Variants in PTPRA observed in about 807,000 individuals in gnomAD.
The protein encoded by PTPRA is protein tyrosine phosphatase receptor type A, also known as receptor-type tyrosine-protein phosphatase alpha.
A neutral mutation model predicts 104.8 loss-of-function variants in PTPRA; 25 were observed. That is an observed-to-expected ratio of 0.24 (90% CI 0.17 to 0.33). PTPRA has a LOEUF of 0.33. Ranked by LOEUF, PTPRA falls within the 10% of genes least tolerant of loss-of-function variation. The pLI, the probability that PTPRA is intolerant of heterozygous loss-of-function variation, is 1.00. For missense variants in PTPRA, 765 were observed against 1,015.3 expected (o/e 0.75, Z 3.35); for synonymous variants, 323 against 368.9 (o/e 0.88, Z 1.43).
chr20:2,882,680 G>A (rs1391302980), intron 1 of PTPRA, among the ~76,000 whole-genome samples: 1 of 152,122 alleles, frequency 6.6e-6, no homozygotes, highest in Non-Finnish European at 1.5e-5. Context: ...TTGTACTGGA[G>A]AAGACATATT....
chr20:2,886,519 GTT>G (rs891160381), intron 1 of PTPRA, among the ~76,000 whole-genome samples: 36 of 152,164 alleles, frequency 2.4e-4, no homozygotes, highest in Non-Finnish European at 3.8e-4. Flanking sequence ...TAAGGGAAGA[GTT>G]TTAGTGGATT....
chr20:2,940,677 C>G (rs1319293413), intron 2 of PTPRA, among the ~76,000 whole-genome samples: 1 of 151,922 alleles, frequency 6.6e-6, no homozygotes, highest in Non-Finnish European at 1.5e-5. Flanking sequence ...CCTCCTGTCT[C>G]AGAGAGAAAA....
intron 1 of PTPRA, among the ~76,000 whole-genome samples, chr20:2,912,477 A>G (rs1018937945): frequency 2.6e-5 from 4 of 151,780 alleles, no homozygotes; most frequent in African/African-American, 9.7e-5. Flanking sequence ...TACAAAAATT[A>G]GCTGGGCATG....
At chr20:2,940,697 G>C (rs2060879104) in intron 2 of PTPRA, among the ~76,000 whole-genome samples, 1 of 151,864 alleles carries the variant, frequency 6.6e-6, no homozygotes, top group Non-Finnish European at 1.5e-5. Context: ...AAGAGAGAGA[G>C]AAAAAAAGAA....
intron 7 of PTPRA, among the ~76,000 whole-genome samples, chr20:2,987,201 C>T (rs2062947341): frequency 6.6e-6 from 1 of 151,904 alleles, no homozygotes; most frequent in Non-Finnish European, 1.5e-5. Context: ...GCTGAAGCAA[C>T]CCCTAAAAGG....
At chr20:2,900,141 C>CCT (rs68056240) in intron 1 of PTPRA, among the ~76,000 whole-genome samples, 91,159 of 148,360 alleles carry the variant, frequency 0.61, 28,159 homozygotes, top group East Asian at 0.78. Context: ...GAAAAATCTG[C>CCT]CTCCTTTTTT....
chr20:2,866,024 T>G, the PTPRA span: 1 of 610,114 alleles, frequency 1.6e-6, no homozygotes, highest in South Asian at 2.0e-5. Flanking sequence ...TTGGTTTAGG[T>G]GATTTCTGCC....
At chr20:2,886,274 C>T (rs1016370233) in intron 1 of PTPRA, among the ~76,000 whole-genome samples, 2 of 152,074 alleles carry the variant, frequency 1.3e-5, no homozygotes, top group African/African-American at 2.4e-5. Context: ...AAAAGAAAGA[C>T]TCCTTTCTCT....
intron 7 of PTPRA, among the ~76,000 whole-genome samples, chr20:2,987,598 A>G (rs140120155): frequency 3.0e-4 from 45 of 152,350 alleles, no homozygotes; most frequent in African/African-American, 1.0e-3. Flanking sequence ...ATCATTCTGC[A>G]GGAGACTTGT....
At chr20:2,917,663 C>T (rs2059952222) in intron 1 of PTPRA, among the ~76,000 whole-genome samples, 1 of 152,078 alleles carries the variant, frequency 6.6e-6, no homozygotes, top group Non-Finnish European at 1.5e-5. Context: ...TTCTAGATTG[C>T]TGTTTTACTA....
rs189359656 is a variant in PTPRA, at chr20:2,969,791, C to T, written c.415+4589C>T. On this transcript the variant is annotated intron_variant, in intron 5 of 23. Transcript: ENST00000399903. ...ACCCTCCTGGCTAACATGGTGAAAC[C>T]CCATCTCTACTAAAAAATACAAAAA... Among the ~76,000 whole-genome samples the T allele has an allele frequency of 1.1e-3, 162 of 151,300 alleles. No homozygotes were observed. The Middle Eastern group carries it at 0.014, about 13-fold the overall frequency.
chr20:2,895,529 T>A (rs932830622), intron 1 of PTPRA, among the ~76,000 whole-genome samples: 5 of 152,280 alleles, frequency 3.3e-5, no homozygotes, highest in African/African-American at 1.2e-4. Flanking sequence ...TTATTTTATT[T>A]TTTTTGAGAC....
intron 6 of PTPRA, among the ~76,000 whole-genome samples, chr20:2,983,913 A>G (rs999122573): frequency 2.0e-5 from 3 of 152,106 alleles, no homozygotes; most frequent in Non-Finnish European, 2.9e-5. Context: ...GATCAGATTA[A>G]CTAGATATAG....
Position 2,880,502 on chromosome 20 carries a change from A to G in PTPRA, c.-129+6742A>G, listed in dbSNP as rs2089987110. ...GTTCTCATTGAACTAGCCTTTACAA[A>G]ATGGACATGCAGAGAAACCAGTGAT... On this transcript the variant is annotated intron_variant, in intron 1 of 23. Coordinates refer to ENST00000399903, the MANE Select transcript of PTPRA (RefSeq NM_001385305.1). 2.0e-5 allele frequency among the ~76,000 whole-genome samples: 3 copies of G among 152,308 alleles called. No homozygotes were observed. In the South Asian group the frequency reaches 6.2e-4, roughly 32 times the overall value.
At chr20:2,955,033 C>G (rs1262472503) in intron 3 of PTPRA, among the ~76,000 whole-genome samples, 2 of 152,150 alleles carry the variant, frequency 1.3e-5, no homozygotes, top group African/African-American at 4.8e-5. Flanking sequence ...CTCCATTGAT[C>G]TATGTGTCTA....
intron 1 of PTPRA, among the ~76,000 whole-genome samples, chr20:2,875,897 G>A (rs931476950): frequency 5.3e-5 from 8 of 152,208 alleles, no homozygotes; most frequent in African/African-American, 1.9e-4. Flanking sequence ...GATCATGAAG[G>A]ATGCATAGGA....
At chr20:3,012,781 T>C (rs2064235199) in intron 11 of PTPRA, among the ~76,000 whole-genome samples, 1 of 152,220 alleles carries the variant, frequency 6.6e-6, no homozygotes, top group South Asian at 2.1e-4. Context: ...TTAACACTTA[T>C]CAAACCCTTT....
intron 1 of PTPRA, among the ~76,000 whole-genome samples, chr20:2,910,473 A>AAAG (rs2147219524): frequency 1.3e-5 from 1 of 79,790 alleles, no homozygotes; most frequent in East Asian, 4.4e-4. Flanking sequence ...TATAATTTTT[A>AAAG]TATATACTTT....
chr20:3,038,364 G>C lies in PTPRA; in HGVS notation c.*231G>C, dbSNP rs902399640. The C allele has an allele frequency of 9.3e-6, 4 of 432,088 alleles. No homozygotes were observed. The highest frequency in any genetic ancestry group is 6.3e-4 in the Middle Eastern group (1 of 1,578). 26.8% of individuals were successfully genotyped at this position (432,088 alleles called of 1,614,324 possible). ...ATAGTGTGATGTTTGGATTGATATC[G>C]TGAAATCCTCAGCCGAGAAATTGGG... On this transcript the variant is annotated 3_prime_UTR_variant, in exon 24 of 24. Coordinates refer to ENST00000399903, the MANE Select transcript of PTPRA (RefSeq NM_001385305.1).
Sources: gnomAD v4.1 joint callset for allele counts (sites outside exome capture counted in the v4.1 genomes callset) on GRCh38, gnomAD v4.1.1 for gene constraint, MANE v1.5 for transcripts, NCBI Gene and HGNC (gene_info 2026-07-23, HGNC 2026-07-21) for gene names.